The following STAG1 variants were observed in gnomAD, a reference collection of about 807,000 sequenced individuals.
STAG1 encodes cohesin subunit SA-1.
In STAG1, 26 loss-of-function variants were observed where a neutral mutation model predicts 170.9. The observed-to-expected ratio is 0.15, with a 90% CI of 0.11 to 0.21. The LOEUF (loss-of-function observed/expected upper bound fraction) is 0.21. Among genes scored for constraint, STAG1 ranks in the 10% least tolerant of loss-of-function variants. The pLI is 1.00. For synonymous variants in STAG1, 514 were observed against 497.7 expected (o/e 1.03, Z -0.44); for missense variants, 964 against 1,509.5 (o/e 0.64, Z 5.99).
intron 9 of STAG1, among the ~76,000 whole-genome samples, chr3:136,480,872 T>C (rs1243572243): frequency 7.1e-6 from 1 of 140,380 alleles, no homozygotes; most frequent in African/African-American, 2.6e-5. Context: ...ATGGTTTGGC[T>C]CTCTGTTTGT....
chr3:136,577,785 T>TC (rs1937511351), intron 4 of STAG1, among the ~76,000 whole-genome samples: 1 of 152,356 alleles, frequency 6.6e-6, no homozygotes, highest in Non-Finnish European at 1.5e-5. Flanking sequence ...GATAGTAGAT[T>TC]CTAAATGTAT....
chr3:136,690,534 G>A lies in STAG1; in HGVS notation c.-83-59553C>T, dbSNP rs914494005. Among the ~76,000 whole-genome samples the A allele has an allele frequency of 5.3e-5, 8 of 152,292 alleles. 1 individual carries two copies. Among genetic ancestry groups the A allele is most frequent in the Non-Finnish European group, 1.0e-4 (7 of 68,028 alleles). The stretch of plus-strand genomic sequence containing the variant: ...TTACAGGCGTGAGCCACCGTACCCG[G>A]CCAAATCCTATTTGTTCCTATAACA... On this transcript the variant is annotated intron_variant, in intron 1 of 33. Transcript: ENST00000383202.
intron 9 of STAG1, among the ~76,000 whole-genome samples, chr3:136,493,264 G>T (rs2090155454): frequency 6.6e-6 from 1 of 152,078 alleles, no homozygotes; most frequent in African/African-American, 2.4e-5. Flanking sequence ...GATCACCTGA[G>T]CCCAGGATGT....
intron 1 of STAG1, among the ~76,000 whole-genome samples, chr3:136,701,621 T>G (rs1943065239): frequency 6.6e-6 from 1 of 152,192 alleles, no homozygotes; most frequent in South Asian, 2.1e-4. Context: ...TCTCTGAGCA[T>G]CAATTTTCTC....
At chr3:136,560,813 T>C (rs1019871708) in intron 5 of STAG1, among the ~76,000 whole-genome samples, 4 of 152,176 alleles carry the variant, frequency 2.6e-5, no homozygotes, top group Non-Finnish European at 5.9e-5. Flanking sequence ...ATAGTGATAA[T>C]AGGGATACTG....
chr3:136,623,935 G>T (rs1186027985), intron 2 of STAG1, among the ~76,000 whole-genome samples: 1 of 151,986 alleles, frequency 6.6e-6, no homozygotes, highest in East Asian at 1.9e-4. Flanking sequence ...GGGCAACAGG[G>T]CAATACTCTG....
intron 3 of STAG1, among the ~76,000 whole-genome samples, chr3:136,615,774 A>C (rs531705433): frequency 3.8e-5 from 5 of 132,906 alleles, no homozygotes; most frequent in Admixed American, 3.5e-4. Flanking sequence ...CAAGACTCCA[A>C]ATCAAAAAAA....
intron 23 of STAG1, among the ~76,000 whole-genome samples, chr3:136,369,735 G>A (rs959329965): frequency 6.6e-6 from 1 of 152,100 alleles, no homozygotes; most frequent in African/African-American, 2.4e-5. Context: ...ATAGTATAAT[G>A]AATATTTCTA....
At chr3:136,647,993 G>A (rs936650164) in intron 1 of STAG1, among the ~76,000 whole-genome samples, 15 of 152,158 alleles carry the variant, frequency 9.9e-5, no homozygotes, top group African/African-American at 3.6e-4. Flanking sequence ...ATATACTACA[G>A]TATTTACAGA....
At chr3:136,707,764 T>C (rs1464719429) in intron 1 of STAG1, among the ~76,000 whole-genome samples, 1 of 152,138 alleles carries the variant, frequency 6.6e-6, no homozygotes, top group Non-Finnish European at 1.5e-5. Flanking sequence ...AATTAATCCA[T>C]TCCCTCAAGA....
At chr3:136,542,001 T>A in intron 6 of STAG1, 118 bp downstream of exon 6, 1 of 740,328 alleles carries the variant, frequency 1.4e-6, no homozygotes. Context: ...CATATATAAT[T>A]AAAAAATAGA....
chr3:136,346,270 T>C (rs1315683219), intron 29 of STAG1, among the ~76,000 whole-genome samples: 1 of 152,226 alleles, frequency 6.6e-6, no homozygotes, highest in African/African-American at 2.4e-5. Flanking sequence ...AGGAAGGCGC[T>C]TGGTAGAAAC....
chr3:136,560,063 TAA>T (rs913793703), intron 5 of STAG1, among the ~76,000 whole-genome samples: 1 of 152,224 alleles, frequency 6.6e-6, no homozygotes, highest in Non-Finnish European at 1.5e-5. Flanking sequence ...ACTGAGATGC[TAA>T]TTAGCCAGCG....
chr3:136,528,146 C>T (rs763019035), intron 6 of STAG1, among the ~76,000 whole-genome samples: 4 of 152,182 alleles, frequency 2.6e-5, no homozygotes, highest in Non-Finnish European at 4.4e-5. Flanking sequence ...GCAGAAGTTT[C>T]TGCTGCGTTT....
chr3:136,724,161 A>T (rs7632309), intron 1 of STAG1, among the ~76,000 whole-genome samples: 10 of 150,510 alleles, frequency 6.6e-5, no homozygotes, highest in Middle Eastern at 3.4e-3. Context: ...GGAATAGAGG[A>T]GGGGAGAAAG....
intron 21 of STAG1, among the ~76,000 whole-genome samples, chr3:136,411,983 T>C (rs1398168710): frequency 1.3e-5 from 2 of 151,988 alleles, no homozygotes; most frequent in Non-Finnish European, 2.9e-5. Context: ...GAGAGCATTT[T>C]GCCATATTGG....
chr3:136,695,353 C>G (rs147347269), intron 1 of STAG1, among the ~76,000 whole-genome samples: 1 of 151,846 alleles, frequency 6.6e-6, no homozygotes, highest in East Asian at 1.9e-4. Flanking sequence ...AGAAGAATCA[C>G]TTGAAACTGG....
Position 136,610,414 on chromosome 3 carries a change from C to T in STAG1, c.133-5941G>A, listed in dbSNP as rs1939213520. On this transcript the variant is annotated intron_variant, in intron 3 of 33. Transcript: ENST00000383202. ...TGGCTCTCCCTGTCAGAATTGTGTG[C>T]ACTCTAACATCTTTGGTTGTGGTAT... 2.0e-5 allele frequency among the ~76,000 whole-genome samples: 3 copies of T among 152,180 alleles called. No individual in the cohort carries two copies. The South Asian group carries it at 6.2e-4, about 32-fold the overall frequency.
chr3:136,675,147 G>A (rs891339162), intron 1 of STAG1, among the ~76,000 whole-genome samples: 1 of 152,186 alleles, frequency 6.6e-6, no homozygotes, highest in Non-Finnish European at 1.5e-5. Flanking sequence ...GCTCACTGTG[G>A]CAGAAACTTT....
Sources: allele counts gnomAD v4.1 joint callset (sites outside exome capture counted in the v4.1 genomes callset), GRCh38; gene constraint gnomAD v4.1.1; transcripts MANE v1.5; gene names NCBI Gene and HGNC (gene_info 2026-07-23, HGNC 2026-07-21).